The following ACAD11 variants were observed in gnomAD, a reference collection of about 807,000 sequenced individuals.
ACAD11 encodes the protein acyl-CoA dehydrogenase family member 11, also known as acyl-Coenzyme A dehydrogenase family, member 11.
A neutral mutation model predicts 102.2 loss-of-function variants in ACAD11; 83 were observed. The ratio of observed to expected loss-of-function variants is 0.81; its 90% CI spans 0.68 to 0.97. The LOEUF (loss-of-function observed/expected upper bound fraction) is 0.97. ACAD11 is among the 50% of genes least tolerant of loss of function. ACAD11 has a pLI of 0.00. For synonymous variants in ACAD11, 324 were observed against 319.8 expected (o/e 1.01, Z -0.14); for missense variants, 901 against 951.7 (o/e 0.95, Z 0.70).
intron 2 of ACAD11, among the ~76,000 whole-genome samples, chr3:132,644,485 T>C (rs1266614275): frequency 1.3e-5 from 2 of 152,116 alleles, no homozygotes; most frequent in Non-Finnish European, 1.5e-5. Context: ...ACAAAATATC[T>C]ACAGATGAGT....
chr3:132,573,965 C>T (rs901478219), intron 17 of ACAD11, among the ~76,000 whole-genome samples: 1 of 152,212 alleles, frequency 6.6e-6, no homozygotes, highest in African/African-American at 2.4e-5. Flanking sequence ...TTATGACATG[C>T]TCACACATCT....
chr3:132,564,188 A>G (rs1937145375), intron 17 of ACAD11, among the ~76,000 whole-genome samples: 1 of 152,112 alleles, frequency 6.6e-6, no homozygotes, highest in Non-Finnish European at 1.5e-5. Flanking sequence ...GCCAGATTCT[A>G]TTCGGTAATA....
At position 132,636,814 on chromosome 3, in the gene ACAD11, C is replaced by CT. The variant is rs1409063977; in HGVS notation, c.702+2677dup. ...AATGTCTTCAACAATATAAAGAGAA[C>CT]TTTGAGGGGCATGGTGTAATTCCTA... is the stretch of plus-strand genomic sequence containing the variant. On this transcript the variant is annotated intron_variant, in intron 5 of 19. Coordinates refer to ENST00000264990, the MANE Select transcript of ACAD11 (RefSeq NM_032169.5). 4.6e-5 allele frequency among the ~76,000 whole-genome samples: 7 copies of CT among 152,078 alleles called. No individual in the cohort carries two copies. The East Asian group carries it at 1.4e-3, about 29-fold the overall frequency.
intron 1 of ACAD11, chr3:132,648,422 C>T (rs1940798135): frequency 6.6e-6 from 1 of 151,928 alleles, no homozygotes; most frequent in Non-Finnish European, 1.5e-5. Flanking sequence ...GATTTTTAAC[C>T]CTTTATTTAT....
At chr3:132,580,252 T>C (rs1273220609) in intron 13 of ACAD11, among the ~76,000 whole-genome samples, 1 of 152,072 alleles carries the variant, frequency 6.6e-6, no homozygotes, top group African/African-American at 2.4e-5. Flanking sequence ...TTTGAAATCA[T>C]ATAAAGATTT....
intron 17 of ACAD11, among the ~76,000 whole-genome samples, chr3:132,561,920 T>C (rs1937070042): frequency 6.6e-6 from 1 of 152,202 alleles, no homozygotes; most frequent in Non-Finnish European, 1.5e-5. Context: ...TAGAATCATA[T>C]AGCATGTATT....
At chr3:132,584,881 G>C (rs536036055) in intron 13 of ACAD11, among the ~76,000 whole-genome samples, 3 of 152,124 alleles carry the variant, frequency 2.0e-5, no homozygotes, top group Non-Finnish European at 4.4e-5. Flanking sequence ...TATGCTCATG[G>C]GTAGGAAGAA....
intron 9 of ACAD11, among the ~76,000 whole-genome samples, chr3:132,622,251 A>T (rs1939637150): frequency 6.6e-6 from 1 of 152,152 alleles, no homozygotes; most frequent in Non-Finnish European, 1.5e-5. Flanking sequence ...AAGCATGGCT[A>T]GTCTAGAGTA....
chr3:132,614,974 T>C (rs957294153), intron 11 of ACAD11, among the ~76,000 whole-genome samples: 1 of 151,966 alleles, frequency 6.6e-6, no homozygotes, highest in Non-Finnish European at 1.5e-5. Flanking sequence ...TAGACAAATT[T>C]AGAAGAAAAA....
intron 10 of ACAD11, 142 bp from the exon 11 acceptor site, chr3:132,618,914 T>A: frequency 1.4e-6 from 1 of 732,712 alleles, no homozygotes; most frequent in Non-Finnish European, 1.9e-6. Flanking sequence ...TATTCTCCAG[T>A]GAGCAAAACC....
chr3:132,619,534 C>T lies in ACAD11; in HGVS notation c.1209G>A (p.Glu403=). Residue 403 remains glutamate, a synonymous_variant, in exon 10 of 20, where the codon GAG becomes GAA. Transcript: ENST00000264990. ...HILPAEKEVT[E]FYVQNENSVD... ...CTGAATTTTCATTTTGAACATAGAACTCAGTTACCTCCTTAAAGTAATAAA... is the reference window on the plus strand; with the variant it reads ...CTGAATTTTCATTTTGAACATAGAATTCAGTTACCTCCTTAAAGTAATAAA... The T allele has an allele frequency of 6.3e-7, 1 of 1,583,502 alleles. No homozygotes were observed. The highest frequency in any genetic ancestry group is 8.6e-7 in the Non-Finnish European group (1 of 1,166,176).
rs78134968 is a variant in ACAD11 at position 132,561,129 on chromosome 3, G to C, written c.2090C>G (p.Thr697Ser). 2 of 1,613,426 alleles carry C rather than the reference G, an allele frequency of 1.2e-6. No individual in the cohort carries two copies. The highest frequency in any genetic ancestry group is 8.5e-7 in the Non-Finnish European group (1 of 1,179,586). Residue 697 changes from threonine (T) to serine (S), a missense_variant, in exon 18 of 20, where the codon ACT (threonine) becomes AGT (serine). By Grantham distance (58) the Thr-to-Ser change is moderately conservative (BLOSUM62 1). Transcript: ENST00000264990. ...TTTCTTAGCGCCAGCACTGCCCAGA[G>C]TGTCCATGCTGTGAGCAGCTTTCAG... ...LTLKAAHSMD[T>S]LGSAGAKKEI...
intron 19 of ACAD11, 54 bp from the exon 20 acceptor site, chr3:132,559,139 T>A (rs1008356543): frequency 1.7e-6 from 2 of 1,180,554 alleles, no homozygotes; most frequent in Non-Finnish European, 2.5e-6. Context: ...AGGAACATGA[T>A]ACTTTGACAT....
At chr3:132,652,170 G>A (rs1219657648) in intron 1 of ACAD11, among the ~76,000 whole-genome samples, 1 of 152,172 alleles carries the variant, frequency 6.6e-6, no homozygotes, top group Non-Finnish European at 1.5e-5. Context: ...AATAATGGCA[G>A]TGGGTCTTTC....
At chr3:132,652,712 T>C (rs892717252) in intron 1 of ACAD11, among the ~76,000 whole-genome samples, 2 of 152,106 alleles carry the variant, frequency 1.3e-5, no homozygotes, top group African/African-American at 4.8e-5. Context: ...TTTGGGGAAC[T>C]AATAAGAAAT....
intron 13 of ACAD11, among the ~76,000 whole-genome samples, chr3:132,602,965 G>T (rs1938680466): frequency 6.6e-6 from 1 of 152,022 alleles, no homozygotes; most frequent in Non-Finnish European, 1.5e-5. Context: ...ACCACACCTG[G>T]CTAATTTTTG....
intron 8 of ACAD11, chr3:132,627,052 C>G: frequency 2.9e-6 from 1 of 344,404 alleles, no homozygotes; most frequent in Non-Finnish European, 5.3e-6. Flanking sequence ...ACATATAGGC[C>G]TGGCATCACC....
intron 11 of ACAD11, among the ~76,000 whole-genome samples, chr3:132,615,170 A>G (rs764289952): frequency 2.6e-5 from 4 of 152,234 alleles, no homozygotes; most frequent in Non-Finnish European, 5.9e-5. Flanking sequence ...AAAAGTCAGG[A>G]AACAATAGAT....
Position 132,612,732 on chromosome 3 carries a change from G to A in ACAD11, c.1414+5902C>T, listed in dbSNP as rs567991057. 4.6e-5 allele frequency among the ~76,000 whole-genome samples: 7 copies of A among 151,972 alleles called. No individual in the cohort carries two copies. The East Asian group carries it at 1.4e-3, about 29-fold the overall frequency. On this transcript the variant is annotated intron_variant, in intron 11 of 19. Coordinates refer to ENST00000264990, the MANE Select transcript of ACAD11 (RefSeq NM_032169.5). ...ATTAAAAAGTCAGGAAACAACAGGTGCTGGAGAGGATGTGGAGAAATAGGA... is the reference window on the plus strand; with the variant it reads ...ATTAAAAAGTCAGGAAACAACAGGTACTGGAGAGGATGTGGAGAAATAGGA...
Sources: allele counts gnomAD v4.1 joint callset (sites outside exome capture counted in the v4.1 genomes callset), GRCh38; gene constraint gnomAD v4.1.1; transcripts MANE v1.5; gene names NCBI Gene and HGNC (gene_info 2026-07-23, HGNC 2026-07-21).